The following SLC4A4 variants were observed in gnomAD, a reference collection of about 807,000 sequenced individuals.
SLC4A4 encodes electrogenic sodium bicarbonate cotransporter 1.
SLC4A4 carries 27 observed loss-of-function variants against 111.5 expected under a neutral mutation model. The observed-to-expected ratio is 0.24, with a 90% CI of 0.18 to 0.33. The LOEUF is 0.33. Ranked by LOEUF, SLC4A4 falls within the 10% of genes least tolerant of loss-of-function variation. The pLI is 1.00. For synonymous variants in SLC4A4, 443 were observed against 463.4 expected (o/e 0.96, Z 0.57); for missense variants, 909 against 1,315.5 (o/e 0.69, Z 4.78).
At chr4:71,496,346 A>G (rs976215757) in intron 15 of SLC4A4, among the ~76,000 whole-genome samples, 4 of 152,106 alleles carry the variant, frequency 2.6e-5, no homozygotes, top group African/African-American at 7.2e-5. Context: ...AGTGGTCTCA[A>G]TAAAAGCAGA....
chr4:71,437,629 A>C, intron 7 of SLC4A4: 1 of 517,796 alleles, frequency 1.9e-6, no homozygotes, highest in Admixed American at 2.0e-5. Flanking sequence ...AACATCCACA[A>C]AGGCAAGTTT....
chr4:71,471,181 C>G (rs150009853), intron 13 of SLC4A4, among the ~76,000 whole-genome samples: 20 of 152,004 alleles, frequency 1.3e-4, no homozygotes, highest in Non-Finnish European at 2.4e-4. Context: ...CTGTCTCAGC[C>G]AAGTCTTAAG....
Position 71,143,569 on chromosome 4 carries a change from T to G in SLC4A4, c.-2+50777T>G, listed in dbSNP as rs1343265425. 3.9e-5 allele frequency among the ~76,000 whole-genome samples: 6 copies of G among 152,216 alleles called. No individual in the cohort carries two copies. In the South Asian group the frequency reaches 6.2e-4, roughly 16 times the overall value. On this transcript the variant is annotated intron_variant, in intron 2 of 26. Transcript: ENST00000649996. The stretch of plus-strand genomic sequence containing the variant: ...AACTAGTTTACAGTCCCATCAACAG[T>G]GTAAAAGTGTTCCCATTTCTCCACA...
At chr4:71,543,048 T>C (rs530145630) in intron 18 of SLC4A4, among the ~76,000 whole-genome samples, 1 of 152,198 alleles carries the variant, frequency 6.6e-6, no homozygotes, top group African/African-American at 2.4e-5. Context: ...TTATGCACAA[T>C]GTGACACCGC....
At chr4:71,517,245 T>C (rs1256812497) in intron 16 of SLC4A4, among the ~76,000 whole-genome samples, 1 of 152,052 alleles carries the variant, frequency 6.6e-6, no homozygotes, top group Non-Finnish European at 1.5e-5. Flanking sequence ...GTTCTTTTGA[T>C]CCTGTCACAT....
intron 3 of SLC4A4, among the ~76,000 whole-genome samples, chr4:71,321,360 C>T (rs1578832038): frequency 6.6e-6 from 1 of 151,962 alleles, no homozygotes; most frequent in East Asian, 1.9e-4. Context: ...AAAGCATCAA[C>T]ATTTACTTGT....
intron 2 of SLC4A4, among the ~76,000 whole-genome samples, chr4:71,252,197 T>G (rs1351315549): frequency 1.3e-5 from 2 of 152,220 alleles, no homozygotes; most frequent in African/African-American, 4.8e-5. Flanking sequence ...TGACAGATAT[T>G]CTGTGGGGGC....
chr4:71,563,651 G>A, intron 23 of SLC4A4, 142 bp from the exon 24 acceptor site: 1 of 679,704 alleles, frequency 1.5e-6, no homozygotes, highest in South Asian at 1.7e-5. Context: ...GCAGTTAAAA[G>A]ATGGCAAACT....
chr4:71,146,319 G>T (rs1166205528), intron 2 of SLC4A4, among the ~76,000 whole-genome samples: 7 of 152,248 alleles, frequency 4.6e-5, no homozygotes, highest in Non-Finnish European at 7.4e-5. Flanking sequence ...GAGACAGTTT[G>T]TTATAATTTC....
At chr4:71,430,891 A>AC (rs1340008922) in intron 7 of SLC4A4, among the ~76,000 whole-genome samples, 1 of 152,078 alleles carries the variant, frequency 6.6e-6, no homozygotes, top group Non-Finnish European at 1.5e-5. Context: ...CTGTAGACCA[A>AC]CCACTCTTGT....
chr4:71,179,377 A>G (rs1745209395), intron 2 of SLC4A4, among the ~76,000 whole-genome samples: 1 of 152,224 alleles, frequency 6.6e-6, no homozygotes, highest in Non-Finnish European at 1.5e-5. Context: ...GAAGAAGGAA[A>G]TAAAGGGCAT....
At chr4:71,153,051 A>G (rs1486063237) in intron 2 of SLC4A4, among the ~76,000 whole-genome samples, 2 of 147,822 alleles carry the variant, frequency 1.4e-5, no homozygotes, top group Non-Finnish European at 3.0e-5. Flanking sequence ...ATATATATAT[A>G]TAAAAATAAA....
intron 22 of SLC4A4, among the ~76,000 whole-genome samples, chr4:71,558,439 A>G (rs1334665583): frequency 6.6e-6 from 1 of 151,956 alleles, no homozygotes; most frequent in African/African-American, 2.4e-5. Context: ...GGGACTCTCT[A>G]TCCTTGTCAT....
chr4:71,516,592 A>G (rs1407452947), intron 16 of SLC4A4, among the ~76,000 whole-genome samples: 1 of 152,126 alleles, frequency 6.6e-6, no homozygotes, highest in Non-Finnish European at 1.5e-5. Context: ...ACCCTTGCTA[A>G]TGTCAGTGTT....
chr4:71,307,836 CAA>C (rs1725815535), intron 3 of SLC4A4, among the ~76,000 whole-genome samples: 1 of 152,084 alleles, frequency 6.6e-6, no homozygotes, highest in Non-Finnish European at 1.5e-5. Context: ...ACCAAAGTGT[CAA>C]GATGCAAAGA....
chr4:71,432,877 G>A (rs1723769483), intron 7 of SLC4A4, among the ~76,000 whole-genome samples: 1 of 152,028 alleles, frequency 6.6e-6, no homozygotes, highest in African/African-American at 2.4e-5. Context: ...GGTCATGCCT[G>A]CCACTTCCAT....
chr4:71,375,789 T>C (rs1228677752), intron 6 of SLC4A4, among the ~76,000 whole-genome samples: 1 of 152,146 alleles, frequency 6.6e-6, no homozygotes, highest in Non-Finnish European at 1.5e-5. Context: ...AATAAAGCCA[T>C]GCTCATTAGT....
At chr4:71,423,450 GCTA>G (rs1722764474) in intron 7 of SLC4A4, among the ~76,000 whole-genome samples, 1 of 152,150 alleles carries the variant, frequency 6.6e-6, no homozygotes, top group Non-Finnish European at 1.5e-5. Flanking sequence ...TGCCCATCAA[GCTA>G]CCAATGACTT....
chr4:71,255,744 A>G (rs1275936092), intron 3 of SLC4A4, among the ~76,000 whole-genome samples: 1 of 152,190 alleles, frequency 6.6e-6, no homozygotes, highest in African/African-American at 2.4e-5. Flanking sequence ...TGCATGGTTT[A>G]TGCTTAGAAA....
Sources: gnomAD v4.1 joint callset for allele counts (sites outside exome capture counted in the v4.1 genomes callset) on GRCh38, gnomAD v4.1.1 for gene constraint, MANE v1.5 for transcripts, NCBI Gene and HGNC (gene_info 2026-07-23, HGNC 2026-07-21) for gene names.